The following DSN1 variants were observed in gnomAD, a reference collection of about 807,000 sequenced individuals.
The protein encoded by DSN1 is DSN1 component of MIS12 kinetochore complex, also known as kinetochore-associated protein DSN1 homolog.
DSN1 carries 31 observed loss-of-function variants against 45.7 expected under a neutral mutation model. That is an observed-to-expected ratio of 0.68 (90% CI 0.51 to 0.92). DSN1 has a LOEUF of 0.92. Among genes scored for constraint, DSN1 ranks in the 40% least tolerant of loss-of-function variants. DSN1 has a pLI of 0.00. For synonymous variants in DSN1, 134 were observed against 142.3 expected (o/e 0.94, Z 0.41); for missense variants, 394 against 414.2 (o/e 0.95, Z 0.42).
At chr20:36,768,080 G>A (rs1178820946) in intron 3 of DSN1, 38 bp from the exon 4 acceptor site, 1 of 1,600,704 alleles carries the variant, frequency 6.2e-7, no homozygotes, top group African/African-American at 1.3e-5. Flanking sequence ...GAGCTGGATA[G>A]TTACATAGTT....
At chr20:36,754,904 C>A in intron 9 of DSN1, 54 bp from the exon 10 acceptor site, 1 of 1,500,550 alleles carries the variant, frequency 6.7e-7, no homozygotes, top group South Asian at 1.1e-5. Context: ...CTTGGATGTT[C>A]CTCAAACCTG....
intron 5 of DSN1, among the ~76,000 whole-genome samples, chr20:36,765,246 T>TC (rs1987249595): frequency 3.9e-5 from 3 of 77,254 alleles, no homozygotes; most frequent in Non-Finnish European, 7.3e-5. Flanking sequence ...AAGGCTTGTG[T>TC]TAAAAAAAAA....
chr20:36,753,678 C>T (rs1209757907), intron 10 of DSN1, among the ~76,000 whole-genome samples: 1 of 150,528 alleles, frequency 6.6e-6, no homozygotes, highest in Non-Finnish European at 1.5e-5. Context: ...GAAAGAAAGC[C>T]AGCCACCACT....
rs753939415 is a variant in DSN1, at chr20:36,771,413, T to C, written c.34+12A>G. ...CAAGGTAAGAGGTACTGAATTTCAC[T>C]ACAATACTTACCATCTATGATCTCT... On this transcript the variant is annotated intron_variant, in intron 2 of 10. Coordinates refer to ENST00000373750, the MANE Select transcript of DSN1 (RefSeq NM_001145315.2). 3.7e-6 allele frequency: 6 copies of C among 1,613,008 alleles called. No homozygotes were observed. The African/African-American group carries it at 6.7e-5, about 18-fold the overall frequency.
In DSN1 at chr20:36,752,030, CA is replaced by C. The variant is rs1053211315; in HGVS notation, c.*757del. On this transcript the variant is annotated 3_prime_UTR_variant, in exon 11 of 11. Coordinates refer to ENST00000373750, the MANE Select transcript of DSN1 (RefSeq NM_001145315.2). ...GTATCCCAATGATGCAAATAATGCT[CA>C]AAACTTTTTTTTTCATTTTTTTACA... 1.3e-5 allele frequency: 2 copies of C among 151,968 alleles called. No individual in the cohort carries two copies. Among genetic ancestry groups the C allele is most frequent in the African/African-American group, 4.8e-5 (2 of 41,482 alleles). 9.4% of individuals were successfully genotyped at this position (151,968 alleles called of 1,614,324 possible).
At chr20:36,771,500 T>C in intron 1 of DSN1, 27 bp from the exon 2 acceptor site, 1 of 1,609,876 alleles carries the variant, frequency 6.2e-7, no homozygotes, top group Non-Finnish European at 8.5e-7. Context: ...GGAAGTGATC[T>C]GTTCTTCACG....
intron 8 of DSN1, 89 bp from the exon 9 acceptor site, chr20:36,755,918 A>G: frequency 7.0e-7 from 1 of 1,435,650 alleles, no homozygotes; most frequent in Non-Finnish European, 9.5e-7. Flanking sequence ...CTGAATCAGT[A>G]TTCCTCCACT....
At chr20:36,758,292 A>T in intron 7 of DSN1, 131 bp from the exon 8 acceptor site, 1 of 883,852 alleles carries the variant, frequency 1.1e-6, no homozygotes, top group Non-Finnish European at 1.8e-6. Context: ...ACAGGGTTAG[A>T]AAGCCTGACC....
Position 36,768,034 on chromosome 20 carries a change from G to T in DSN1, c.364C>A (p.Arg122=), listed in dbSNP as rs372066834. ...PIHQGITELS[R]SISVDLAESK... is the part of the protein sequence containing the mutation. ...TCTGCTAAATCGACACTGATAGACC[G>T]GCTGAGCTCTAACATAAAACATAGC... Residue 122 remains arginine, a synonymous_variant, in exon 4 of 11, where the codon CGG becomes AGG. Coordinates refer to ENST00000373750, the MANE Select transcript of DSN1 (RefSeq NM_001145315.2). 9 of 1,613,938 alleles carry T rather than the reference G, an allele frequency of 5.6e-6. No homozygotes were observed. The African/African-American group carries it at 9.3e-5, about 17-fold the overall frequency.
chr20:36,752,876 A>G lies in DSN1; in HGVS notation c.983T>C (p.Leu328Ser). The G allele has an allele frequency of 6.2e-7, 1 of 1,614,226 alleles. No homozygotes were observed. The highest frequency in any genetic ancestry group is 8.5e-7 in the Non-Finnish European group (1 of 1,180,026). ...VQLGKRSMQQ[L>S]DPSPARKLLK... ...CAGTTTTCGAGCTGGTGAGGGATCT[A>G]ATTGTTGCATGCTTCTCTTTCCTGC... is the stretch of plus-strand genomic sequence containing the variant. The change falls in exon 11 of 11, where the codon TTA becomes TCA. Residue 328 changes from leucine (L) to serine (S), a missense_variant. Leu to Ser is a moderately radical substitution (Grantham distance 145). Transcript: ENST00000373750.
At chr20:36,752,953 T>C in intron 10 of DSN1, 56 bp from the exon 11 acceptor site, 1 of 1,432,674 alleles carries the variant, frequency 7.0e-7, no homozygotes, top group Non-Finnish European at 9.8e-7. Context: ...TAACATTTAT[T>C]GAAAACTTAA....
At chr20:36,761,547 C>A (rs1363033677) in intron 6 of DSN1, among the ~76,000 whole-genome samples, 3 of 151,814 alleles carry the variant, frequency 2.0e-5, no homozygotes, top group African/African-American at 7.3e-5. Flanking sequence ...GCCTCAGTAA[C>A]ATAGGGAGAC....
At position 36,761,471 on chromosome 20, in the gene DSN1, T is replaced by C. The variant is rs1256506169; in HGVS notation, c.590+990A>G. On this transcript the variant is annotated intron_variant, in intron 6 of 10. Transcript: ENST00000373750. ...TGAATCCGCTGGGTGTGGGGGCTCA[T>C]GGCTGTAATCCCAGCACTTTGGGAG... Among the ~76,000 whole-genome samples the C allele has an allele frequency of 3.9e-5, 6 of 152,136 alleles. No homozygotes were observed. In the South Asian group the frequency reaches 6.2e-4, roughly 16 times the overall value.
At chr20:36,758,210 T>C (rs770424728) in intron 7 of DSN1, 49 bp from the exon 8 acceptor site, 6 of 1,516,392 alleles carry the variant, frequency 4.0e-6, no homozygotes, top group Admixed American at 1.8e-5. Flanking sequence ...AATCTTATTC[T>C]GAATCACTCA....
At position 36,755,823 on chromosome 20, in the gene DSN1, T is replaced by C. The variant is rs1381395657; in HGVS notation, c.732A>G (p.Ser244=). 2.5e-6 allele frequency: 4 copies of C among 1,608,942 alleles called. No individual in the cohort carries two copies. Residue 244 remains serine (S), a synonymous_variant, in exon 9 of 11, where the codon TCA becomes TCG. Coordinates refer to ENST00000373750, the MANE Select transcript of DSN1 (RefSeq NM_001145315.2). ...TGACCTCAGTAATTTTGGCCTCAGT[T>C]GATCCTCTAAAAACAAAACACAAGA... ...QEAKEILSRG[S]TEAKITEVKV... is the part of the protein sequence containing the mutation.
chr20:36,771,279 C>A, intron 2 of DSN1, 86 bp from the exon 3 acceptor site: 1 of 1,494,642 alleles, frequency 6.7e-7, no homozygotes, highest in South Asian at 1.3e-5. Context: ...TAAATGTATG[C>A]CCCTAGATCG....
At chr20:36,755,913 T>TA (rs1969870873) in intron 8 of DSN1, 84 bp from the exon 9 acceptor site, 1 of 1,465,862 alleles carries the variant, frequency 6.8e-7, no homozygotes, top group African/African-American at 1.4e-5. Context: ...TAAAGCTGAA[T>TA]CAGTATTCCT....
chr20:36,763,023 G>A (rs1453146439), intron 5 of DSN1, among the ~76,000 whole-genome samples: 1 of 152,142 alleles, frequency 6.6e-6, no homozygotes, highest in Admixed American at 6.5e-5. Context: ...CAAAGTCCTG[G>A]GATTGTAGGC....
At chr20:36,765,335 C>T (rs2148276453) in intron 5 of DSN1, among the ~76,000 whole-genome samples, 2 of 148,982 alleles carry the variant, frequency 1.3e-5, no homozygotes, top group African/African-American at 5.0e-5. Flanking sequence ...GTGGGCGGAT[C>T]ACCTGAGGTC....
Sources: gnomAD v4.1 joint callset for allele counts (sites outside exome capture counted in the v4.1 genomes callset) on GRCh38, gnomAD v4.1.1 for gene constraint, MANE v1.5 for transcripts, NCBI Gene and HGNC (gene_info 2026-07-23, HGNC 2026-07-21) for gene names.